The following TFDP2 variants were observed in gnomAD, a reference collection of about 807,000 sequenced individuals.
TFDP2 encodes transcription factor Dp-2.
TFDP2 carries 17 observed loss-of-function variants against 59.3 expected under a neutral mutation model. The ratio of observed to expected loss-of-function variants is 0.29; its 90% CI spans 0.20 to 0.43. The LOEUF (loss-of-function observed/expected upper bound fraction) is 0.43, where lower values mean the gene tolerates loss of function less well. Ranked by LOEUF, TFDP2 falls within the 20% of genes least tolerant of loss-of-function variation. The pLI, the probability that TFDP2 is intolerant of heterozygous loss-of-function variation, is 1.00. For synonymous variants in TFDP2, 180 were observed against 194.7 expected (o/e 0.92, Z 0.63); for missense variants, 391 against 528.8 (o/e 0.74, Z 2.56).
At chr3:142,001,989 G>GTTT (rs1560009642) in intron 4 of TFDP2, among the ~76,000 whole-genome samples, 1 of 137,678 alleles carries the variant, frequency 7.3e-6, no homozygotes. Context: ...CACCATGCCT[G>GTTT]GTTTTTTTTT....
chr3:142,004,835 C>G (rs1052462985), intron 4 of TFDP2, among the ~76,000 whole-genome samples: 2 of 152,088 alleles, frequency 1.3e-5, no homozygotes, highest in Non-Finnish European at 2.9e-5. Context: ...TAAAGCATAA[C>G]ACATTTCAAA....
At chr3:142,105,176 A>G (rs1426246093) in intron 1 of TFDP2, among the ~76,000 whole-genome samples, 1 of 152,222 alleles carries the variant, frequency 6.6e-6, no homozygotes, top group Non-Finnish European at 1.5e-5. Context: ...AAATACAGTT[A>G]TAACAAAAAA....
chr3:142,080,401 T>C (rs2060595757), intron 3 of TFDP2, among the ~76,000 whole-genome samples: 1 of 151,876 alleles, frequency 6.6e-6, no homozygotes, highest in South Asian at 2.1e-4. Context: ...AAAATCACCT[T>C]AACTAAAAGG....
rs762494724 is a variant in TFDP2, at chr3:141,952,684, C to T, written c.1170G>A (p.Gly390=). Residue 390 remains glycine (G), a synonymous_variant, in exon 13 of 13, where the codon GGG becomes GGA. Coordinates refer to ENST00000489671, the MANE Select transcript of TFDP2 (RefSeq NM_001178139.2). ...AGGCCACTTCTGCATCCAAGCATAA[C>T]CCTTGGTTTACACTAGCAAACAATT... ...ATLPQSSVNQ[G]LCLDAEVALA... 2 of 1,609,924 alleles carry T rather than the reference C, an allele frequency of 1.2e-6. No individual in the cohort carries two copies. Among genetic ancestry groups the T allele is most frequent in the South Asian group, 1.1e-5 (1 of 90,136 alleles).
chr3:142,010,386 G>A (rs1035307538), intron 3 of TFDP2, among the ~76,000 whole-genome samples: 11 of 152,138 alleles, frequency 7.2e-5, no homozygotes, highest in Non-Finnish European at 1.3e-4. Flanking sequence ...CAAGGTGGGT[G>A]GATCACGAGG....
At chr3:142,055,771 T>G (rs951065084) in intron 3 of TFDP2, among the ~76,000 whole-genome samples, 1 of 152,086 alleles carries the variant, frequency 6.6e-6, no homozygotes, top group Non-Finnish European at 1.5e-5. Flanking sequence ...AGCTTATATA[T>G]AAAGTGATAA....
intron 2 of TFDP2, among the ~76,000 whole-genome samples, chr3:142,099,618 T>C (rs1576981261): frequency 6.6e-6 from 1 of 151,586 alleles, no homozygotes; most frequent in Non-Finnish European, 1.5e-5. Flanking sequence ...GAGAATCACT[T>C]GAACCTGGGA....
At chr3:142,016,914 C>T (rs1487499072) in intron 3 of TFDP2, among the ~76,000 whole-genome samples, 1 of 152,124 alleles carries the variant, frequency 6.6e-6, no homozygotes, top group Non-Finnish European at 1.5e-5. Flanking sequence ...CTCTTTCTGA[C>T]CTTGTCACCT....
intron 4 of TFDP2, among the ~76,000 whole-genome samples, chr3:142,002,425 T>C (rs537592842): frequency 4.0e-5 from 6 of 149,364 alleles, no homozygotes; most frequent in Admixed American, 1.4e-4. Context: ...TCACAAAATG[T>C]TGGGATTACA....
intron 10 of TFDP2, 67 bp from the exon 11 acceptor site, chr3:141,959,907 ATAGTT>A (rs1937148908): frequency 6.6e-6 from 10 of 1,506,506 alleles, no homozygotes. Flanking sequence ...TTTGTATTCT[ATAGTT>A]TAAGTAACAG....
intron 6 of TFDP2, among the ~76,000 whole-genome samples, 197 bp downstream of exon 6, chr3:141,993,341 C>A (rs962769619): frequency 1.3e-5 from 2 of 152,158 alleles, no homozygotes; most frequent in African/African-American, 4.8e-5. Flanking sequence ...AATCTGCTCA[C>A]AGGGTAATTT....
intron 3 of TFDP2, among the ~76,000 whole-genome samples, chr3:142,009,728 G>GAAAGAA (rs138856903): frequency 0.036 from 5,326 of 146,732 alleles, 324 homozygotes; most frequent in African/African-American, 0.13. Context: ...AAAAAAAAAA[G>GAAAGAA]AAAGAAAAAG....
At chr3:142,073,945 C>A (rs985741409) in intron 3 of TFDP2, among the ~76,000 whole-genome samples, 1 of 152,144 alleles carries the variant, frequency 6.6e-6, no homozygotes. Context: ...AAAAGCTGAT[C>A]CCCAAACTCA....
intron 3 of TFDP2, among the ~76,000 whole-genome samples, chr3:142,087,739 C>T (rs2060850243): frequency 6.6e-6 from 1 of 152,120 alleles, no homozygotes; most frequent in Non-Finnish European, 1.5e-5. Flanking sequence ...TGAGCTCAAG[C>T]AATCCACCCC....
intron 4 of TFDP2, among the ~76,000 whole-genome samples, chr3:142,002,314 AG>A (rs1943853561): frequency 1.0e-5 from 1 of 100,236 alleles, no homozygotes; most frequent in East Asian, 2.8e-4. Flanking sequence ...TTTTATTTTT[AG>A]TGTTTTTTTT....
intron 6 of TFDP2, among the ~76,000 whole-genome samples, chr3:141,990,631 T>G (rs758128638): frequency 6.6e-6 from 1 of 152,200 alleles, no homozygotes; most frequent in African/African-American, 2.4e-5. Context: ...TATGAACTTA[T>G]AGAGTGTTTA....
chr3:142,002,550 C>A (rs1413338746), intron 4 of TFDP2, among the ~76,000 whole-genome samples: 1 of 152,114 alleles, frequency 6.6e-6, no homozygotes, highest in Non-Finnish European at 1.5e-5. Flanking sequence ...ATGGCCTTTA[C>A]CATCCATATT....
intron 3 of TFDP2, among the ~76,000 whole-genome samples, chr3:142,018,993 C>T (rs1455779554): frequency 6.2e-5 from 8 of 129,428 alleles, no homozygotes; most frequent in Non-Finnish European, 1.3e-4. Context: ...TTCTATTATA[C>T]TTGCTGCAAA....
At chr3:142,097,536 A>G (rs1263750467) in intron 2 of TFDP2, among the ~76,000 whole-genome samples, 1 of 152,054 alleles carries the variant, frequency 6.6e-6, no homozygotes, top group African/African-American at 2.4e-5. Flanking sequence ...TACAAAGAAA[A>G]GAAGAAATTA....
Sources: allele counts gnomAD v4.1 joint callset (sites outside exome capture counted in the v4.1 genomes callset), GRCh38; gene constraint gnomAD v4.1.1; transcripts MANE v1.5; gene names NCBI Gene and HGNC (gene_info 2026-07-23, HGNC 2026-07-21).